PTPRD: variants seen among roughly 807,000 people sequenced by gnomAD.
PTPRD encodes protein tyrosine phosphatase receptor type D.
A neutral mutation model predicts 214.5 loss-of-function variants in PTPRD; 34 were observed. That is an observed-to-expected ratio of 0.16 (90% CI 0.12 to 0.21). The LOEUF is 0.21. PTPRD is among the 10% of genes least tolerant of loss of function. The pLI, the probability that PTPRD is intolerant of heterozygous loss-of-function variation, is 1.00. For synonymous variants in PTPRD, 1,128 were observed against 845.7 expected, an observed-to-expected ratio of 1.33 and a Z score of -5.79; for missense variants, 2,545 against 2,398.7, an observed-to-expected ratio of 1.06 and a Z score of -1.27.
chr9:8,394,719 G>A (rs775478485), intron 36 of PTPRD, among the ~76,000 whole-genome samples: 5 of 152,102 alleles, frequency 3.3e-5, no homozygotes, highest in Non-Finnish European at 5.9e-5. Flanking sequence ...GATAAATAGA[G>A]GCTTTGTGTC....
At chr9:8,361,934 C>T (rs12552493) in intron 39 of PTPRD, among the ~76,000 whole-genome samples, 38,848 of 152,180 alleles carry the variant, frequency 0.26, 5,425 homozygotes, top group Admixed American at 0.41. Context: ...ATAGCTAGGA[C>T]TGGACTATTG....
At chr9:8,950,835 C>G (rs1049285496) in intron 11 of PTPRD, among the ~76,000 whole-genome samples, 5 of 151,826 alleles carry the variant, frequency 3.3e-5, no homozygotes, top group Non-Finnish European at 7.4e-5. Flanking sequence ...ATGTCAGAGC[C>G]AAGACTAGAA....
intron 13 of PTPRD, among the ~76,000 whole-genome samples, chr9:8,634,460 G>C (rs2096364286): frequency 6.6e-6 from 1 of 151,904 alleles, no homozygotes; most frequent in South Asian, 2.1e-4. Flanking sequence ...GATTTTGTGT[G>C]TGCATGTGTA....
intron 3 of PTPRD, among the ~76,000 whole-genome samples, chr9:10,181,447 T>C (rs1001008087): frequency 6.6e-6 from 1 of 152,114 alleles, no homozygotes; most frequent in African/African-American, 2.4e-5. Context: ...CTAAATTCAT[T>C]TATCTCTTAG....
chr9:8,550,310 A>C (rs958288532), intron 14 of PTPRD, among the ~76,000 whole-genome samples: 23 of 152,170 alleles, frequency 1.5e-4, no homozygotes, highest in Non-Finnish European at 3.1e-4. Flanking sequence ...ATGAGTATTA[A>C]ATGATTTAAT....
chr9:10,611,275 G>C (rs1355902802), intron 2 of PTPRD, among the ~76,000 whole-genome samples: 6 of 152,096 alleles, frequency 3.9e-5, no homozygotes, highest in African/African-American at 1.4e-4. Context: ...GGTCTGTTTT[G>C]TCTAAGTTGC....
chr9:9,327,115 G>T (rs1290704915), intron 9 of PTPRD, among the ~76,000 whole-genome samples: 2 of 151,936 alleles, frequency 1.3e-5, no homozygotes, highest in Non-Finnish European at 2.9e-5. Flanking sequence ...TAGATTCCTG[G>T]GCAGAAAATA....
chr9:9,223,531 A>C (rs146820063), intron 9 of PTPRD, among the ~76,000 whole-genome samples: 1,645 of 152,120 alleles, frequency 0.011, 29 homozygotes, highest in African/African-American at 0.038. Context: ...AAAATAAACT[A>C]GGTATATTCT....
chr9:10,281,129 C>T (rs762312260), intron 3 of PTPRD, among the ~76,000 whole-genome samples: 18 of 152,124 alleles, frequency 1.2e-4, no homozygotes, highest in Non-Finnish European at 1.9e-4. Flanking sequence ...TCTCTCCTTA[C>T]ACTAAGTGAA....
intron 10 of PTPRD, among the ~76,000 whole-genome samples, chr9:9,089,227 G>T (rs896244433): frequency 6.6e-6 from 1 of 152,098 alleles, no homozygotes; most frequent in Admixed American, 6.6e-5. Flanking sequence ...TTCTGTAAAT[G>T]TTTAGAGAAT....
intron 7 of PTPRD, among the ~76,000 whole-genome samples, chr9:9,652,613 A>G (rs1461089559): frequency 6.7e-6 from 1 of 150,064 alleles, no homozygotes; most frequent in Non-Finnish European, 1.5e-5. Flanking sequence ...AAAATAATAT[A>G]CCACTTTTTT....
At chr9:10,515,519 G>A (rs2049777193) in intron 2 of PTPRD, among the ~76,000 whole-genome samples, 1 of 151,758 alleles carries the variant, frequency 6.6e-6, no homozygotes. Flanking sequence ...CATAGTTTCA[G>A]CATATTTTAT....
At chr9:8,495,613 T>C (rs2097247600) in intron 26 of PTPRD, among the ~76,000 whole-genome samples, 1 of 152,208 alleles carries the variant, frequency 6.6e-6, no homozygotes, top group African/African-American at 2.4e-5. Context: ...TGGAATAAAC[T>C]TGAATACTTA....
At chr9:9,323,084 C>A (rs909614785) in intron 9 of PTPRD, among the ~76,000 whole-genome samples, 1 of 151,664 alleles carries the variant, frequency 6.6e-6, no homozygotes, top group African/African-American at 2.4e-5. Flanking sequence ...TTTTGAATAC[C>A]CTAGGGCACT....
At chr9:9,468,769 C>G (rs1464904458) in intron 8 of PTPRD, among the ~76,000 whole-genome samples, 1 of 151,888 alleles carries the variant, frequency 6.6e-6, no homozygotes, top group Non-Finnish European at 1.5e-5. Context: ...GGTTATATTT[C>G]TGAAATTAAA....
chr9:8,560,794 T>G (rs147581227), intron 14 of PTPRD, among the ~76,000 whole-genome samples: 1 of 152,278 alleles, frequency 6.6e-6, no homozygotes, highest in East Asian at 1.9e-4. Flanking sequence ...GGTTATCCAG[T>G]GTTTAGAAGG....
Position 9,897,160 on chromosome 9 carries a change from A to ACACACACACC in PTPRD, c.-368+41346_-368+41347insGGTGTGTGTG, listed in dbSNP as rs767047100. The stretch of plus-strand genomic sequence containing the variant: ...CACACACACACACACACACACACAC[A>ACACACACACC]CCGCTGCTAAACACCCCCTGGGGGT... On this transcript the variant is annotated intron_variant, in intron 5 of 45. Coordinates refer to ENST00000381196, the MANE Select transcript of PTPRD (RefSeq NM_002839.4). Among the ~76,000 whole-genome samples the ACACACACACC allele has an allele frequency of 2.1e-5, 3 of 139,654 alleles. No homozygotes were observed. The South Asian group carries it at 6.8e-4, about 32-fold the overall frequency. The allele number at this position is 139,654 out of a possible 152,430, so 91.6% of individuals were successfully genotyped here. A position where few individuals can be genotyped will look rare whatever the true frequency, so the allele number is the denominator to read the frequency against.
chr9:10,473,619 G>A lies in PTPRD; in HGVS notation c.-599-132602C>T, dbSNP rs142617262. ...TAAAATACCAAATGTTGATTTTTGA[G>A]TAGGTACATCATTTCTGATTGACAT... On this transcript the variant is annotated intron_variant, in intron 2 of 45. Transcript: ENST00000381196. 3.6e-3 allele frequency among the ~76,000 whole-genome samples: 553 copies of A among 152,140 alleles called. 5 individuals are homozygous for A. Among genetic ancestry groups the A allele is most frequent in the African/African-American group, 0.013 (525 of 41,526 alleles).
intron 2 of PTPRD, among the ~76,000 whole-genome samples, chr9:10,380,763 C>T (rs1413572279): frequency 7.6e-6 from 1 of 132,014 alleles, no homozygotes; most frequent in Non-Finnish European, 1.6e-5. Context: ...CTTGTCATCC[C>T]AGCTCAAATA....
Sources: gnomAD v4.1 joint callset for allele counts (sites outside exome capture counted in the v4.1 genomes callset) on GRCh38, gnomAD v4.1.1 for gene constraint, MANE v1.5 for transcripts, NCBI Gene and HGNC (gene_info 2026-07-23, HGNC 2026-07-21) for gene names.